Variants in SIPA1L1 observed in about 807,000 individuals in gnomAD.
SIPA1L1 encodes the protein signal induced proliferation associated 1 like 1.
A neutral mutation model predicts 162.7 loss-of-function variants in SIPA1L1; 26 were observed. The observed-to-expected ratio is 0.16, with a 90% confidence interval of 0.12 to 0.22. The LOEUF (loss-of-function observed/expected upper bound fraction) is 0.22, where lower values mean the gene tolerates loss of function less well. Among genes scored for constraint, SIPA1L1 ranks in the 10% least tolerant of loss-of-function variants. SIPA1L1 has a pLI of 1.00. For synonymous variants in SIPA1L1, 829 were observed against 837.4 expected, an observed-to-expected ratio of 0.99 and a Z score of 0.17; for missense variants, 1,874 against 2,241.0, an observed-to-expected ratio of 0.84 and a Z score of 3.31.
At chr14:71,428,928 G>A (rs1179944323) in intron 2 of SIPA1L1, among the ~76,000 whole-genome samples, 1 of 152,178 alleles carries the variant, frequency 6.6e-6, no homozygotes, top group African/African-American at 2.4e-5. Context: ...TCAATGAACT[G>A]TTCAGGCTTT....
At chr14:71,721,905 G>A (rs1380908207) in intron 17 of SIPA1L1, among the ~76,000 whole-genome samples, 1 of 152,214 alleles carries the variant, frequency 6.6e-6, no homozygotes, top group African/African-American at 2.4e-5. Flanking sequence ...ACCTTGGTCA[G>A]CTGGTGGCAG....
At chr14:71,723,622 A>C (rs2083951707) in intron 17 of SIPA1L1, 25 bp from the exon 18 acceptor site, 1 of 1,612,310 alleles carries the variant, frequency 6.2e-7, no homozygotes, top group Admixed American at 1.7e-5. Flanking sequence ...TGAGATACAC[A>C]TGTCTTTGCC....
intron 5 of SIPA1L1, among the ~76,000 whole-genome samples, chr14:71,604,757 A>T (rs189980716): frequency 5.1e-4 from 78 of 152,200 alleles, no homozygotes; most frequent in Non-Finnish European, 9.3e-4. Context: ...TCTGCTTAGA[A>T]TCCACTGTTA....
intron 2 of SIPA1L1, among the ~76,000 whole-genome samples, chr14:71,491,828 C>A (rs1292755649): frequency 6.9e-6 from 1 of 145,528 alleles, no homozygotes; most frequent in East Asian, 2.1e-4. Context: ...TCCCCCGCCC[C>A]CCCACATGAA....
intron 5 of SIPA1L1, among the ~76,000 whole-genome samples, chr14:71,615,739 G>C (rs1189308857): frequency 2.0e-5 from 3 of 152,210 alleles, no homozygotes; most frequent in African/African-American, 7.2e-5. Flanking sequence ...CGGCACAGTG[G>C]CTCAGGCCTG....
intron 4 of SIPA1L1, among the ~76,000 whole-genome samples, chr14:71,548,105 T>G (rs1190626536): frequency 3.3e-5 from 5 of 152,228 alleles, no homozygotes; most frequent in Admixed American, 3.3e-4. Context: ...TTATTGCAAA[T>G]GTAATGGTTA....
At chr14:71,345,132 T>C (rs1266112894) in intron 2 of SIPA1L1, among the ~76,000 whole-genome samples, 1 of 151,982 alleles carries the variant, frequency 6.6e-6, no homozygotes, top group Non-Finnish European at 1.5e-5. Flanking sequence ...AGGAGTCAAT[T>C]TGGGTATTTT....
chr14:71,547,444 C>T (rs1318515665), intron 4 of SIPA1L1, among the ~76,000 whole-genome samples: 2 of 151,638 alleles, frequency 1.3e-5, no homozygotes, highest in Non-Finnish European at 1.5e-5. Flanking sequence ...CAAGTGTGCA[C>T]CACTACACCC....
chr14:71,513,344 T>A (rs1438197738), intron 3 of SIPA1L1, among the ~76,000 whole-genome samples: 1 of 152,158 alleles, frequency 6.6e-6, no homozygotes, highest in East Asian at 1.9e-4. Context: ...TTTGTTGGTG[T>A]GTGTAGAAGA....
intron 2 of SIPA1L1, among the ~76,000 whole-genome samples, chr14:71,488,547 A>G (rs1178646279): frequency 6.6e-6 from 1 of 152,240 alleles, no homozygotes; most frequent in Non-Finnish European, 1.5e-5. Context: ...CTTCTTCAAA[A>G]TTGAGAATGA....
intron 2 of SIPA1L1, among the ~76,000 whole-genome samples, chr14:71,326,666 C>T (rs527875211): frequency 8.0e-5 from 12 of 149,668 alleles, no homozygotes; most frequent in Admixed American, 5.3e-4. Flanking sequence ...TTCTGTAATT[C>T]ATTTTCTTCA....
At chr14:71,373,024 G>T (rs958262716) in intron 2 of SIPA1L1, among the ~76,000 whole-genome samples, 19 of 152,182 alleles carry the variant, frequency 1.2e-4, no homozygotes, top group African/African-American at 4.3e-4. Context: ...AATGTTACCA[G>T]TGTTGGGCTG....
intron 13 of SIPA1L1, among the ~76,000 whole-genome samples, chr14:71,696,375 A>G (rs2081628449): frequency 6.6e-6 from 1 of 152,240 alleles, no homozygotes; most frequent in Non-Finnish European, 1.5e-5. Context: ...CATATGTAAG[A>G]TGGATGATAC....
At chr14:71,646,937 A>G (rs566100088) in intron 7 of SIPA1L1, among the ~76,000 whole-genome samples, 5 of 152,292 alleles carry the variant, frequency 3.3e-5, no homozygotes, top group South Asian at 2.1e-4. Context: ...AAGCAATCCA[A>G]AATCCCCACA....
intron 2 of SIPA1L1, among the ~76,000 whole-genome samples, chr14:71,357,498 C>CAAA (rs2037386275): frequency 6.6e-6 from 1 of 152,190 alleles, no homozygotes; most frequent in Non-Finnish European, 1.5e-5. Context: ...ATTCCCCATA[C>CAAA]TGGGATTTGA....
chr14:71,590,883 G>T (rs1381483778), intron 5 of SIPA1L1, among the ~76,000 whole-genome samples: 3 of 152,084 alleles, frequency 2.0e-5, no homozygotes, highest in Admixed American at 2.0e-4. Flanking sequence ...AGCATCCCTG[G>T]CTTCCACACT....
At chr14:71,613,439 T>C (rs553395756) in intron 5 of SIPA1L1, among the ~76,000 whole-genome samples, 2 of 152,228 alleles carry the variant, frequency 1.3e-5, no homozygotes, top group East Asian at 3.9e-4. Flanking sequence ...CATTATATCA[T>C]TCTAATATGG....
intron 7 of SIPA1L1, among the ~76,000 whole-genome samples, chr14:71,635,533 C>T (rs948106210): frequency 3.9e-5 from 6 of 152,082 alleles, no homozygotes; most frequent in East Asian, 1.9e-4. Flanking sequence ...ATTGGTAAAA[C>T]GGTGCATGTA....
intron 2 of SIPA1L1, among the ~76,000 whole-genome samples, chr14:71,374,478 A>G (rs559571028): frequency 6.6e-6 from 1 of 151,796 alleles, no homozygotes; most frequent in Non-Finnish European, 1.5e-5. Context: ...TTATAAATCT[A>G]TAGTTTTATT....
Sources: gnomAD v4.1 joint callset for allele counts (sites outside exome capture counted in the v4.1 genomes callset) on GRCh38, gnomAD v4.1.1 for gene constraint, MANE v1.5 for transcripts, NCBI Gene and HGNC (gene_info 2026-07-23, HGNC 2026-07-21) for gene names.